FBXL13: variants seen among roughly 807,000 people sequenced by gnomAD.
FBXL13 encodes F-box and leucine rich repeat protein 13, also known as F-box and leucine-rich repeat protein 13.
A neutral mutation model predicts 83.6 loss-of-function variants in FBXL13; 67 were observed. The observed-to-expected ratio is 0.80, with a 90% CI of 0.66 to 0.98. The LOEUF is 0.98. Among genes scored for constraint, FBXL13 ranks in the 50% least tolerant of loss-of-function variants. FBXL13 has a pLI of 0.00. For missense variants in FBXL13, 822 were observed against 866.5 expected, an observed-to-expected ratio of 0.95 and a Z score of 0.64; for synonymous variants, 272 against 299.5, an observed-to-expected ratio of 0.91 and a Z score of 0.95.
chr7:102,820,969 A>T (rs191935187), intron 19 of FBXL13, among the ~76,000 whole-genome samples: 1 of 152,382 alleles, frequency 6.6e-6, no homozygotes, highest in Admixed American at 6.5e-5. Flanking sequence ...GAAAGTCTCC[A>T]TTCATTCTAG....
rs914101011 is a variant in FBXL13 at position 102,905,718 on chromosome 7, A to G, written c.1008+7368T>C. ...CTTTCTTTCCTTCCTGTCTTCTTCA[A>G]CTGAAGGCAATTTTCTCTGGTGATA... On this transcript the variant is annotated intron_variant, in intron 11 of 19. Coordinates refer to ENST00000313221, the Ensembl canonical transcript of FBXL13. Among the ~76,000 whole-genome samples, 4 of 151,992 alleles carry G rather than the reference A, an allele frequency of 2.6e-5. No individual in the cohort carries two copies. The East Asian group carries it at 7.7e-4, about 29-fold the overall frequency.
chr7:102,853,713 C>T lies in FBXL13; in HGVS notation c.1719+1064G>A, dbSNP rs544238534. Among the ~76,000 whole-genome samples the T allele has an allele frequency of 2.9e-4, 44 of 152,210 alleles. 1 individual carries two copies. The East Asian group carries it at 7.1e-3, about 25-fold the overall frequency. ...ACCCCATCAAAAAGTGGGCAAAGGACATGAACAGACACTTCTCAAAAGAAG... is the reference window on the plus strand; with the variant it reads ...ACCCCATCAAAAAGTGGGCAAAGGATATGAACAGACACTTCTCAAAAGAAG... On this transcript the variant is annotated intron_variant, in intron 17 of 19. Transcript: ENST00000313221.
At chr7:102,989,014 C>T (rs1236158237) in intron 6 of FBXL13, among the ~76,000 whole-genome samples, 3 of 152,124 alleles carry the variant, frequency 2.0e-5, no homozygotes, top group African/African-American at 7.2e-5. Context: ...AGGGAGAAAA[C>T]GTGGCCCAGC....
chr7:102,835,943 A>T (rs1271999106), intron 17 of FBXL13, among the ~76,000 whole-genome samples: 3 of 152,186 alleles, frequency 2.0e-5, no homozygotes, highest in Admixed American at 1.3e-4. Context: ...AGACATTAAC[A>T]TTGTTAGAGA....
rs138064866 is a variant in FBXL13, at chr7:102,881,575, T to TG, written c.1388+1729dup. On this transcript the variant is annotated intron_variant, in intron 14 of 19. Coordinates refer to ENST00000313221, the Ensembl canonical transcript of FBXL13. ...CTTGTGTATGTAGTGTGTGTGTGTG[T>TG]GGGGGGGGTGGGTGTCTCACTGTTA... 8.3e-4 allele frequency among the ~76,000 whole-genome samples: 121 copies of TG among 146,226 alleles called. 1 individual carries two copies. Among genetic ancestry groups the TG allele is most frequent in the South Asian group, 3.8e-3 (17 of 4,520 alleles).
intron 1 of FBXL13, among the ~76,000 whole-genome samples, chr7:103,060,061 T>TACAC (rs1797750189): frequency 8.4e-6 from 1 of 119,138 alleles, no homozygotes; most frequent in African/African-American, 3.1e-5. Flanking sequence ...TATATATATA[T>TACAC]ATACTTTTTT....
exon 18 of FBXL13, chr7:102,832,913 G>A (rs2129447583): frequency 6.2e-7 from 1 of 1,614,202 alleles, no homozygotes; most frequent in Non-Finnish European, 8.5e-7. Context: ...AATCATATCT[G>A]ACAGCTGGGA....
rs144437718 is a variant in FBXL13, at chr7:102,843,387, G to A, written c.1720-10413C>T. Among the ~76,000 whole-genome samples, 658 of 152,180 alleles carry A rather than the reference G, an allele frequency of 4.3e-3. 6 individuals carry two copies. The highest frequency in any genetic ancestry group is 0.015 in the African/African-American group (625 of 41,482). On this transcript the variant is annotated intron_variant, in intron 17 of 19. Transcript: ENST00000313221. ...GAACCCAGGAGGCAGAGGTTGCAGT[G>A]AGCCAACATCGCACCACTCCAGACT...
chr7:103,052,535 A>G (rs779646035), intron 2 of FBXL13, among the ~76,000 whole-genome samples: 3 of 152,184 alleles, frequency 2.0e-5, no homozygotes, highest in Non-Finnish European at 4.4e-5. Flanking sequence ...AAGCAACCCT[A>G]GGACACTTGG....
intron 8 of FBXL13, chr7:102,933,969 G>A (rs771131020): frequency 9.9e-6 from 16 of 1,613,908 alleles, no homozygotes; most frequent in South Asian, 8.8e-5. Flanking sequence ...GCTGAGCTGC[G>A]CAAAGCAAGC....
At chr7:103,034,609 G>A (rs781504419) in intron 2 of FBXL13, among the ~76,000 whole-genome samples, 4 of 152,256 alleles carry the variant, frequency 2.6e-5, no homozygotes, top group Non-Finnish European at 5.9e-5. Flanking sequence ...GCAAGCTGAG[G>A]GAGCCGGTTC....
At chr7:102,943,667 C>A (rs1351847324) in intron 8 of FBXL13, among the ~76,000 whole-genome samples, 1 of 152,176 alleles carries the variant, frequency 6.6e-6, no homozygotes, top group Non-Finnish European at 1.5e-5. Context: ...ACAGGAATCT[C>A]ATCCCTGTGT....
chr7:102,916,937 A>G (rs1477030019), intron 10 of FBXL13, among the ~76,000 whole-genome samples: 3 of 151,960 alleles, frequency 2.0e-5, no homozygotes, highest in Non-Finnish European at 4.4e-5. Context: ...TAAAGAATTG[A>G]AGTCATTTGT....
At chr7:102,823,189 C>T (rs988710346) in intron 18 of FBXL13, among the ~76,000 whole-genome samples, 39 of 152,228 alleles carry the variant, frequency 2.6e-4, no homozygotes, top group African/African-American at 9.4e-4. Context: ...CCAATATGAG[C>T]AACTTATGAA....
chr7:102,951,375 C>CTAAATAAATAAATAAA (rs71106701), intron 8 of FBXL13, among the ~76,000 whole-genome samples: 113,868 of 133,718 alleles, frequency 0.85, 49,032 homozygotes, highest in Non-Finnish European at 0.91. Context: ...GACTCCATCT[C>CTAAATAAATAAATAAA]TAAATAAATA....
intron 10 of FBXL13, among the ~76,000 whole-genome samples, chr7:102,916,217 C>G (rs1815839206): frequency 1.3e-5 from 2 of 152,014 alleles, no homozygotes; most frequent in South Asian, 4.2e-4. Flanking sequence ...AAACTCTTGA[C>G]CTCAGGTGAT....
exon 14 of FBXL13, chr7:102,883,456 C>A: frequency 6.2e-7 from 1 of 1,608,462 alleles, no homozygotes; most frequent in Non-Finnish European, 8.5e-7. Flanking sequence ...GCATCAGTAA[C>A]CCTTTTATTT....
At chr7:102,959,561 A>G (rs956348471) in intron 8 of FBXL13, among the ~76,000 whole-genome samples, 2 of 152,018 alleles carry the variant, frequency 1.3e-5, no homozygotes, top group Non-Finnish European at 2.9e-5. Flanking sequence ...ACTTCATTTT[A>G]CCCTTTAATA....
chr7:102,943,547 C>T (rs895954014), intron 8 of FBXL13, among the ~76,000 whole-genome samples: 2 of 152,110 alleles, frequency 1.3e-5, no homozygotes, highest in Non-Finnish European at 2.9e-5. Context: ...GAAAGAAACA[C>T]TTTCATTATT....
Sources: gnomAD v4.1 joint callset for allele counts (sites outside exome capture counted in the v4.1 genomes callset) on GRCh38, gnomAD v4.1.1 for gene constraint, MANE v1.5 for transcripts, NCBI Gene and HGNC (gene_info 2026-07-23, HGNC 2026-07-21) for gene names.